Variants in PABPC4L observed in about 807,000 individuals in gnomAD.
The protein encoded by PABPC4L is polyadenylate-binding protein 4-like.
For missense variants in PABPC4L, 452 were observed against 451.4 expected, an observed-to-expected ratio of 1.00 and a Z score of -0.01; for synonymous variants, 169 against 164.1, an observed-to-expected ratio of 1.03 and a Z score of -0.23.
At chr4:133,983,306 C>CTA in the PABPC4L span, among the ~76,000 whole-genome samples, 2 of 151,804 alleles carry the variant, frequency 1.3e-5, no homozygotes, top group African/African-American at 2.4e-5. Flanking sequence ...GTAATAACAT[C>CTA]TATATATATT....
the PABPC4L span, among the ~76,000 whole-genome samples, chr4:134,018,712 C>T: frequency 1.3e-5 from 2 of 151,962 alleles, no homozygotes; most frequent in Non-Finnish European, 2.9e-5. Flanking sequence ...ATTTTAAATG[C>T]CTTTTTATTG....
At chr4:134,036,335 A>G in the PABPC4L span, among the ~76,000 whole-genome samples, 1 of 152,130 alleles carries the variant, frequency 6.6e-6, no homozygotes, top group African/African-American at 2.4e-5. Context: ...CAGATAAAGC[A>G]TATTCATGAT....
At chr4:134,174,141 C>T in the PABPC4L span, among the ~76,000 whole-genome samples, 10 of 151,856 alleles carry the variant, frequency 6.6e-5, no homozygotes, top group East Asian at 1.4e-3. Context: ...TAGGCCTACA[C>T]GTGGTCAGTA....
chr4:134,084,755 A>AT, the PABPC4L span, among the ~76,000 whole-genome samples: 58 of 151,974 alleles, frequency 3.8e-4, 1 homozygote, highest in South Asian at 0.011. Flanking sequence ...TTTTCAACAC[A>AT]TTTTTTTTGT....
the PABPC4L span, among the ~76,000 whole-genome samples, chr4:134,185,948 AC>A: frequency 1.3e-5 from 2 of 152,182 alleles, no homozygotes; most frequent in African/African-American, 4.8e-5. Context: ...TGCTACAAAG[AC>A]AATAAAATAC....
chr4:134,022,389 C>T, the PABPC4L span, among the ~76,000 whole-genome samples: 2 of 152,024 alleles, frequency 1.3e-5, no homozygotes, highest in Non-Finnish European at 2.9e-5. Flanking sequence ...ATTTAGGAGG[C>T]AAAGACGTTA....
chr4:134,201,481 G>A (rs1032161521), intron 1 of PABPC4L, among the ~76,000 whole-genome samples: 4 of 152,182 alleles, frequency 2.6e-5, no homozygotes, highest in Admixed American at 2.0e-4. Flanking sequence ...GGGCTGCGAG[G>A]TTCTGCCCGG....
intron 1 of PABPC4L, 59 bp from the exon 2 acceptor site, chr4:134,201,304 A>T: frequency 7.3e-7 from 1 of 1,377,286 alleles, no homozygotes; most frequent in South Asian, 1.3e-5. Flanking sequence ...CAGATTTGTG[A>T]GAAAACTTCA....
chr4:134,125,929 G>A, the PABPC4L span, among the ~76,000 whole-genome samples: 315 of 152,190 alleles, frequency 2.1e-3, 1 homozygote, highest in Non-Finnish European at 2.9e-3. Flanking sequence ...TGCACATTGG[G>A]TTAAACACAC....
chr4:133,958,882 A>G, the PABPC4L span, among the ~76,000 whole-genome samples: 2 of 152,206 alleles, frequency 1.3e-5, no homozygotes, highest in Admixed American at 1.3e-4. Context: ...GCCAAACCAT[A>G]TCAGATAGCA....
At chr4:133,992,804 C>T in the PABPC4L span, among the ~76,000 whole-genome samples, 1 of 152,096 alleles carries the variant, frequency 6.6e-6, no homozygotes, top group Admixed American at 6.5e-5. Context: ...GTGTCTGTAT[C>T]CAGTGCAGGA....
chr4:134,095,685 C>T, the PABPC4L span, among the ~76,000 whole-genome samples: 2 of 151,904 alleles, frequency 1.3e-5, no homozygotes, highest in Non-Finnish European at 2.9e-5. Context: ...ATCTTAGTTG[C>T]TTTATCTTGC....
At chr4:133,986,552 C>G in the PABPC4L span, among the ~76,000 whole-genome samples, 1 of 151,944 alleles carries the variant, frequency 6.6e-6, no homozygotes, top group African/African-American at 2.4e-5. Flanking sequence ...GATCTAAACA[C>G]CTACAAATAT....
At chr4:134,041,644 C>A in the PABPC4L span, among the ~76,000 whole-genome samples, 2 of 151,810 alleles carry the variant, frequency 1.3e-5, no homozygotes, top group Non-Finnish European at 2.9e-5. Context: ...AGCAAACCAC[C>A]GTGGCACGTG....
the PABPC4L span, among the ~76,000 whole-genome samples, chr4:134,024,395 A>G: frequency 6.6e-6 from 1 of 152,166 alleles, no homozygotes; most frequent in Non-Finnish European, 1.5e-5. Context: ...CTAGAAGATC[A>G]GAATCAAGGT....
chr4:134,054,114 T>G, the PABPC4L span, among the ~76,000 whole-genome samples: 1 of 151,460 alleles, frequency 6.6e-6, no homozygotes, highest in East Asian at 1.9e-4. Context: ...TTAATGAGAA[T>G]AAGAGAGCTC....
At chr4:134,083,165 T>C in the PABPC4L span, among the ~76,000 whole-genome samples, 96 of 152,306 alleles carry the variant, frequency 6.3e-4, no homozygotes, top group African/African-American at 2.2e-3. Flanking sequence ...TAAATTAACA[T>C]GCCTGCCTTT....
At chr4:134,044,431 T>C in the PABPC4L span, among the ~76,000 whole-genome samples, 2 of 151,822 alleles carry the variant, frequency 1.3e-5, no homozygotes, top group South Asian at 4.2e-4. Context: ...GCCTGGCTAA[T>C]TTTTTGTATT....
At chr4:134,031,343 G>T in the PABPC4L span, among the ~76,000 whole-genome samples, 1 of 151,590 alleles carries the variant, frequency 6.6e-6, no homozygotes, top group Admixed American at 6.6e-5. Context: ...ATTTATTTGT[G>T]TATTCATCTC....
Sources: gnomAD v4.1 joint callset for allele counts (sites outside exome capture counted in the v4.1 genomes callset) on GRCh38, gnomAD v4.1.1 for gene constraint, MANE v1.5 for transcripts, NCBI Gene and HGNC (gene_info 2026-07-23, HGNC 2026-07-21) for gene names.